Variants in L2HGDH observed in about 807,000 individuals in gnomAD.
L2HGDH encodes L-2-hydroxyglutarate dehydrogenase, also known as L-2-hydroxyglutarate dehydrogenase, mitochondrial.
Under a neutral mutation model 51.5 loss-of-function variants are expected in L2HGDH, and 34 were observed. That is an observed-to-expected ratio of 0.66 (90% CI 0.50 to 0.88). The LOEUF (loss-of-function observed/expected upper bound fraction) is 0.88, where lower values mean the gene tolerates loss of function less well. L2HGDH is among the 40% of genes least tolerant of loss of function. The probability of loss-of-function intolerance (pLI) is 0.00; values close to 1 mark genes in which losing one functional copy is unlikely to be tolerated. For synonymous variants in L2HGDH, 198 were observed against 197.9 expected (o/e 1.00, Z -0.01); for missense variants, 558 against 571.9 (o/e 0.98, Z 0.25).
intron 9 of L2HGDH, among the ~76,000 whole-genome samples, chr14:50,259,985 C>CAGAGAGAG (rs34001223): frequency 4.9e-5 from 7 of 142,368 alleles, no homozygotes; most frequent in Admixed American, 1.4e-4. Context: ...GAGAAGAAGA[C>CAGAGAGAG]AGAGAGAGAG....
intron 3 of L2HGDH, chr14:50,299,796 A>G (rs1212914792): frequency 6.5e-6 from 1 of 154,338 alleles, no homozygotes; most frequent in Non-Finnish European, 1.5e-5. Flanking sequence ...AGGTGGATAC[A>G]TAACAAAAGA....
chr14:50,311,581 A>T (rs559764470), intron 1 of L2HGDH: 17 of 426,996 alleles, frequency 4.0e-5, no homozygotes, highest in South Asian at 2.4e-4. Context: ...CTGATTTAAG[A>T]CTGTATTCAG....
intron 3 of L2HGDH, among the ~76,000 whole-genome samples, chr14:50,296,386 A>AC (rs1335119725): frequency 6.7e-6 from 1 of 150,136 alleles, no homozygotes; most frequent in Non-Finnish European, 1.5e-5. Flanking sequence ...AAAAAAAAAA[A>AC]AAAAAAAAAA....
In L2HGDH at chr14:50,267,810, T is replaced by G; in HGVS notation, c.1007A>C (p.Glu336Ala). The change falls in exon 8 of 10, where the codon GAG becomes GCG. Residue 336 changes from glutamate to alanine, a missense_variant. By Grantham distance (107) the Glu-to-Ala change is moderately radical. Around this residue, in one of 3 missense-constraint regions of L2HGDH, gnomAD observed 321 missense variants for 311.8 expected, o/e 1.03. Coordinates refer to ENST00000267436, the MANE Select transcript of L2HGDH (RefSeq NM_024884.3). Reference protein sequence around the residue: ...GPNAVLAFKREGYRPFDFSAT... With the variant: ...GPNAVLAFKRAGYRPFDFSAT... ...ACTGAAGTCAAAGGGTCTGTAACCCTCTCGTTTAAAGGCAAGAACTGCATT... is the reference window on the plus strand; with the variant it reads ...ACTGAAGTCAAAGGGTCTGTAACCCGCTCGTTTAAAGGCAAGAACTGCATT... 1.2e-6 allele frequency: 2 copies of G among 1,613,714 alleles called. No homozygotes were observed. The highest frequency in any genetic ancestry group is 1.7e-6 in the Non-Finnish European group (2 of 1,179,600).
chr14:50,247,402 G>A (rs1888070624), intron 9 of L2HGDH, 149 bp from the exon 10 acceptor site: 1 of 1,276,936 alleles, frequency 7.8e-7, no homozygotes, highest in Non-Finnish European at 1.1e-6. Flanking sequence ...ACCAAAGGCT[G>A]TCAGTTGTAG....
At chr14:50,273,994 C>T (rs1288026849) in intron 6 of L2HGDH, among the ~76,000 whole-genome samples, 1 of 152,118 alleles carries the variant, frequency 6.6e-6, no homozygotes, top group Non-Finnish European at 1.5e-5. Flanking sequence ...AGGAGAATCG[C>T]TTGAACCCAG....
intron 4 of L2HGDH, chr14:50,293,245 A>T: frequency 4.3e-6 from 3 of 702,352 alleles, no homozygotes; most frequent in Non-Finnish European, 7.8e-6. Flanking sequence ...GTGGGAAAAT[A>T]ATGGTTTTTT....
At chr14:50,307,502 C>T (rs989886880) in intron 1 of L2HGDH, among the ~76,000 whole-genome samples, 3 of 152,214 alleles carry the variant, frequency 2.0e-5, no homozygotes, top group Non-Finnish European at 4.4e-5. Flanking sequence ...CTGAAAGAGA[C>T]ATCTTTCTCT....
At chr14:50,263,319 A>G (rs574883739) in intron 9 of L2HGDH, among the ~76,000 whole-genome samples, 63 of 152,368 alleles carry the variant, frequency 4.1e-4, no homozygotes, top group African/African-American at 1.4e-3. Flanking sequence ...TAATGGCTAG[A>G]TATTTTTATC....
At chr14:50,294,940 A>G (rs995286564) in intron 3 of L2HGDH, among the ~76,000 whole-genome samples, 4 of 152,218 alleles carry the variant, frequency 2.6e-5, no homozygotes, top group African/African-American at 9.6e-5. Flanking sequence ...CCAAAGAGGC[A>G]ACAGAATTTC....
chr14:50,268,034 C>T (rs1325291069), intron 7 of L2HGDH, 124 bp from the exon 8 acceptor site: 19 of 927,012 alleles, frequency 2.0e-5, no homozygotes, highest in Admixed American at 9.3e-5. Context: ...GTGAGCTGTA[C>T]TCAGATATAC....
chr14:50,253,395 A>G (rs1178359343), intron 9 of L2HGDH, among the ~76,000 whole-genome samples: 2 of 152,178 alleles, frequency 1.3e-5, no homozygotes, highest in African/African-American at 2.4e-5. Context: ...ACATTTCTCA[A>G]AAGAAGACAT....
chr14:50,268,819 T>C (rs568502355), intron 7 of L2HGDH, among the ~76,000 whole-genome samples: 1 of 152,290 alleles, frequency 6.6e-6, no homozygotes, highest in East Asian at 1.9e-4. Context: ...CTACAGATAG[T>C]GAACTGAGGA....
At chr14:50,311,454 C>G (rs2031173833) in intron 1 of L2HGDH, 1 of 455,952 alleles carries the variant, frequency 2.2e-6, no homozygotes, top group African/African-American at 2.0e-5. Context: ...CAGAGAAAGA[C>G]AATGGTTTCG....
At chr14:50,287,768 G>A (rs1282549712) in intron 4 of L2HGDH, among the ~76,000 whole-genome samples, 7 of 143,964 alleles carry the variant, frequency 4.9e-5, no homozygotes, top group Admixed American at 4.3e-4. Context: ...TGCGATCTTG[G>A]CTCACTGCAA....
rs540256171 is a variant in L2HGDH at position 50,307,467 on chromosome 14, T to C, written c.141-4450A>G. Among the ~76,000 whole-genome samples, 4 of 152,326 alleles carry C rather than the reference T, an allele frequency of 2.6e-5. No individual in the cohort carries two copies. The South Asian group carries it at 6.2e-4, about 24-fold the overall frequency. ...GTCATAGATGAATGCTGGAGGACAGTTGCAGGCCAAGCTAACCACGGAGGC... is the reference window on the plus strand; with the variant it reads ...GTCATAGATGAATGCTGGAGGACAGCTGCAGGCCAAGCTAACCACGGAGGC... On this transcript the variant is annotated intron_variant, in intron 1 of 9. Coordinates refer to ENST00000267436, the MANE Select transcript of L2HGDH (RefSeq NM_024884.3).
At chr14:50,300,073 G>A (rs982758128) in intron 3 of L2HGDH, 2 of 152,160 alleles carry the variant, frequency 1.3e-5, no homozygotes, top group East Asian at 1.9e-4. Flanking sequence ...GTGGCAGGGA[G>A]GCAGGGGTGG....
rs1202200551 is a variant in L2HGDH, at chr14:50,265,390, G to T, written c.1164C>A (p.Phe388Leu). ...TATCACTGATAGTAATTTCAGGGAT[G>T]AATTTTTGAAGATACTTCACTGTTG... is the stretch of plus-strand genomic sequence containing the variant. ...LGATVKYLQK[F>L]IPEITISDIL... The change falls in exon 9 of 10, where the codon TTC (phenylalanine) becomes TTA (leucine). Residue 388 changes from phenylalanine to leucine, a missense_variant. By Grantham distance (22) the Phe-to-Leu change is conservative (BLOSUM62 0). This residue lies in a region of L2HGDH where 321 missense variants were observed against 311.8 expected (regional missense o/e 1.03). Transcript: ENST00000267436. The T allele has an allele frequency of 6.2e-7, 1 of 1,611,744 alleles. No individual in the cohort carries two copies. Among genetic ancestry groups the T allele is most frequent in the South Asian group, 1.1e-5 (1 of 91,014 alleles).
intron 8 of L2HGDH, among the ~76,000 whole-genome samples, chr14:50,266,984 C>T (rs955389608): frequency 2.6e-5 from 4 of 152,052 alleles, no homozygotes; most frequent in Non-Finnish European, 5.9e-5. Flanking sequence ...CAGTGGCTTA[C>T]AAAATGATGG....
Sources: allele counts gnomAD v4.1 joint callset (sites outside exome capture counted in the v4.1 genomes callset), GRCh38; gene constraint gnomAD v4.1.1; regional missense constraint gnomAD v4.1.1; transcripts MANE v1.5; gene names NCBI Gene and HGNC (gene_info 2026-07-23, HGNC 2026-07-21).